The following ZFR2 variants were observed in gnomAD, a reference collection of about 807,000 sequenced individuals.
ZFR2 encodes the protein zinc finger RNA binding protein 2.
ZFR2 carries 104 observed loss-of-function variants against 105.7 expected under a neutral mutation model. The observed-to-expected ratio is 0.98, with a 90% CI of 0.84 to 1.16. The LOEUF (loss-of-function observed/expected upper bound fraction) is 1.16, where lower values mean the gene tolerates loss of function less well. ZFR2 is among the 50% of genes most tolerant of loss of function. The pLI is 0.00. For missense variants in ZFR2, 1,425 were observed against 1,355.5 expected (o/e 1.05, Z -0.80); for synonymous variants, 634 against 597.7 (o/e 1.06, Z -0.89).
At chr19:3,806,654 C>A (rs574883464) in intron 18 of ZFR2, among the ~76,000 whole-genome samples, 1 of 147,408 alleles carries the variant, frequency 6.8e-6, no homozygotes, top group East Asian at 1.9e-4. Context: ...TCCCAGGAGG[C>A]CCCCCCGCTC....
rs930078327 is a variant in ZFR2 at position 3,813,503 on chromosome 19, G to A, written c.2242+317C>T. Among the ~76,000 whole-genome samples the A allele has an allele frequency of 1.3e-5, 2 of 152,214 alleles. No individual in the cohort carries two copies. Among genetic ancestry groups the A allele is most frequent in the Admixed American group, 6.5e-5 (1 of 15,280 alleles). On this transcript the variant is annotated intron_variant, in intron 14 of 18. Transcript: ENST00000262961. This position sits in a 1 kb window ranked among gnomAD's most constrained non-coding sequence, Gnocchi z 4.4. The stretch of plus-strand genomic sequence containing the variant: ...CCTGTCCTTTGCCGCCAGGGCTGGT[G>A]TCACCAGGGCCTGAGAAGCAGGTGC...
rs1317897059 is a variant in ZFR2, at chr19:3,822,164, A to C, written c.1408T>G (p.Cys470Gly). The C allele has an allele frequency of 6.2e-7, 1 of 1,607,394 alleles. No homozygotes were observed. Among genetic ancestry groups the C allele is most frequent in the South Asian group, 1.1e-5 (1 of 89,608 alleles). The change falls in exon 9 of 19, where the codon TGC (cysteine) becomes GGC (glycine). Residue 470 changes from cysteine (C) to glycine (G), a missense_variant. By Grantham distance (159) the Cys-to-Gly change is radical (BLOSUM62 -3). Coordinates refer to ENST00000262961, the MANE Select transcript of ZFR2 (RefSeq NM_015174.2). ...SDEGRVLRFH[C>G]KLCECSFNDL... ...TTGAAACTGCACTCGCACAGCTTGCAGTGGAAGCGAAGCACTCGCCCTTCG... is the reference window on the plus strand; with the variant it reads ...TTGAAACTGCACTCGCACAGCTTGCCGTGGAAGCGAAGCACTCGCCCTTCG...
intron 1 of ZFR2, among the ~76,000 whole-genome samples, chr19:3,857,352 T>C (rs550514413): frequency 3.3e-5 from 5 of 152,002 alleles, no homozygotes; most frequent in South Asian, 2.1e-4. Flanking sequence ...AGGCTGTCAA[T>C]TTTCAAAGTC....
At chr19:3,852,613 G>C in intron 1 of ZFR2, 2 of 718,428 alleles carry the variant, frequency 2.8e-6, no homozygotes, top group Non-Finnish European at 5.2e-6. Context: ...TCCACTTCTG[G>C]ACTGGAAGAG....
rs1196545646 is a variant in ZFR2 at position 3,838,425 on chromosome 19, A to G, written c.54-3442T>C. Among the ~76,000 whole-genome samples, 2 of 152,210 alleles carry G rather than the reference A, an allele frequency of 1.3e-5. No homozygotes were observed. The highest frequency in any genetic ancestry group is 2.9e-5 in the Non-Finnish European group (2 of 68,036). On this transcript the variant is annotated intron_variant, in intron 1 of 18. Transcript: ENST00000262961. This position sits in a 1 kb window ranked among gnomAD's most constrained non-coding sequence, Gnocchi z 4.9. ...ACCGACCGATGAGCCAAAGAGAGGA[A>G]GGTGGAAGGTTCCATACGGGAGCTG...
chr19:3,811,297 G>A lies in ZFR2; in HGVS notation c.2312C>T (p.Ala771Val). Residue 771 changes from alanine (A) to valine (V), a missense_variant, in exon 15 of 19, where the codon GCC (alanine) becomes GTC (valine). Coordinates refer to ENST00000262961, the MANE Select transcript of ZFR2 (RefSeq NM_015174.2). ...CTGAAACCACCTGGCATGACGGAGGGCGGCCAGGGACTCGAGGCACTTCTT... is the reference window on the plus strand; with the variant it reads ...CTGAAACCACCTGGCATGACGGAGGACGGCCAGGGACTCGAGGCACTTCTT... ...SPKKCLESLA[A>V]LRHARWFQAR... 2 of 1,602,376 alleles carry A rather than the reference G, an allele frequency of 1.2e-6. No individual in the cohort carries two copies. The highest frequency in any genetic ancestry group is 1.1e-5 in the South Asian group (1 of 88,526).
intron 17 of ZFR2, among the ~76,000 whole-genome samples, chr19:3,807,629 A>C (rs1292007718): frequency 2.0e-5 from 3 of 150,326 alleles, no homozygotes; most frequent in Non-Finnish European, 3.0e-5. Context: ...GCGTATGTGC[A>C]TGTGTGCCTG....
intron 16 of ZFR2, 142 bp from the exon 17 acceptor site, chr19:3,809,125 A>G: frequency 1.7e-6 from 1 of 595,094 alleles, no homozygotes; most frequent in Non-Finnish European, 2.8e-6. Flanking sequence ...TCCGCCGAGG[A>G]GGGCTGCCCG....
chr19:3,860,847 G>A (rs796331684), intron 1 of ZFR2, among the ~76,000 whole-genome samples: 1 of 152,224 alleles, frequency 6.6e-6, no homozygotes, highest in African/African-American at 2.4e-5. Context: ...GAAACGGAAC[G>A]ACCTGCAGAG....
intron 11 of ZFR2, among the ~76,000 whole-genome samples, chr19:3,819,762 G>A (rs1019504235): frequency 1.3e-5 from 2 of 151,788 alleles, no homozygotes; most frequent in African/African-American, 2.4e-5. Flanking sequence ...TGAGGCATGA[G>A]AATCGCTTAA....
chr19:3,821,604 C>CT (rs56275505), intron 9 of ZFR2, 125 bp from the exon 10 acceptor site: 11,349 of 245,818 alleles, frequency 0.046, 726 homozygotes, highest in Admixed American at 0.089. Flanking sequence ...CTCCCAAAGC[C>CT]TTTTTTTTTT....
At chr19:3,815,063 G>A (rs1187480883) in intron 13 of ZFR2, among the ~76,000 whole-genome samples, 1 of 152,124 alleles carries the variant, frequency 6.6e-6, no homozygotes, top group Non-Finnish European at 1.5e-5. Context: ...AAGAAGGAAC[G>A]ACTCTGGGGA....
intron 1 of ZFR2, among the ~76,000 whole-genome samples, chr19:3,848,855 G>A (rs558399170): frequency 3.3e-5 from 5 of 151,942 alleles, no homozygotes; most frequent in African/African-American, 1.2e-4. Context: ...TTAGCCAGGT[G>A]TGGTGGCGGG....
rs1219376535 is a variant in ZFR2, at chr19:3,805,958, C to T, written c.2811G>A (p.Gly937=). ...GGGGGAGGTAGGCGGCTCACACGAG[C>T]CCCTCTCCGCCCCGCCGGCCCCGCT... is the stretch of plus-strand genomic sequence containing the variant. The part of the protein sequence containing the change: ...EKKRGRRGGE[G]LV The change falls in exon 19 of 19, where the codon GGG becomes GGA. Residue 937 remains glycine (G), a synonymous_variant. Transcript: ENST00000262961. The T allele has an allele frequency of 3.3e-6, 5 of 1,534,168 alleles. No individual in the cohort carries two copies. Among genetic ancestry groups the T allele is most frequent in the Non-Finnish European group, 3.5e-6 (4 of 1,143,370 alleles).
At position 3,831,700 on chromosome 19, in the gene ZFR2, G is replaced by A. The variant is rs1281227136; in HGVS notation, c.558C>T (p.Tyr186=). The change falls in exon 4 of 19, where the codon TAC becomes TAT. Residue 186 remains tyrosine (Y), a synonymous_variant. Transcript: ENST00000262961. Reference sequence around the variant, plus strand: ...AGGTGGGGTTGTAGGAGGGCGGGGGGTAGGAGGTCACGATGGAAGCTGACG... The same window carrying A: ...AGGTGGGGTTGTAGGAGGGCGGGGGATAGGAGGTCACGATGGAAGCTGACG... ...PESSASIVTS[Y]PPPSYNPTCT... 6 of 1,583,244 alleles carry A rather than the reference G, an allele frequency of 3.8e-6. No individual in the cohort carries two copies. Among genetic ancestry groups the A allele is most frequent in the South Asian group, 2.3e-5 (2 of 86,064 alleles).
At position 3,807,170 on chromosome 19, in the gene ZFR2, A is replaced by C. The variant is rs758850035; in HGVS notation, c.2643+2T>G. ...ACCCTTGCCGTGACTTGACCCTCCT[A>C]CCTGGGCGCTGGCGGTCACGTCTTC... On this transcript the variant is annotated splice_donor_variant, in intron 18 of 18. Coordinates refer to ENST00000262961, the MANE Select transcript of ZFR2 (RefSeq NM_015174.2). LOFTEE classifies it high-confidence loss of function. 1 of 1,551,692 alleles carries C rather than the reference A, an allele frequency of 6.4e-7. No homozygotes were observed. Among genetic ancestry groups the C allele is most frequent in the South Asian group, 1.2e-5 (1 of 84,100 alleles).
At chr19:3,863,665 G>T (rs960514047) in intron 1 of ZFR2, among the ~76,000 whole-genome samples, 5 of 152,138 alleles carry the variant, frequency 3.3e-5, no homozygotes, top group Admixed American at 3.3e-4. Flanking sequence ...GCAGGGCAGG[G>T]GCAGGTGACA....
intron 7 of ZFR2, 56 bp downstream of exon 7, chr19:3,825,174 T>A: frequency 7.1e-7 from 1 of 1,402,568 alleles, no homozygotes; most frequent in Non-Finnish European, 9.2e-7. Flanking sequence ...CACGAAACTT[T>A]CACTAGGCGG....
In ZFR2 at chr19:3,833,621, G is replaced by A. The variant is rs767905748; in HGVS notation, c.379+43C>T. 6.3e-6 allele frequency: 9 copies of A among 1,439,332 alleles called. No individual in the cohort carries two copies. The African/African-American group carries it at 1.1e-4, about 18-fold the overall frequency. 89.2% of individuals were successfully genotyped at this position (1,439,332 alleles called of 1,614,324 possible). A position where few individuals can be genotyped will look rare whatever the true frequency, so the allele number is the denominator to read the frequency against. On this transcript the variant is annotated intron_variant, in intron 3 of 18. Coordinates refer to ENST00000262961, the MANE Select transcript of ZFR2 (RefSeq NM_015174.2). ...TCCCAAGGTTTCCCTGTGCTGCGGG[G>A]AGCGTCTCCTCGTTCCCAGCCCCGA...
Sources: allele counts gnomAD v4.1 joint callset (sites outside exome capture counted in the v4.1 genomes callset), GRCh38; gene constraint gnomAD v4.1.1; non-coding constraint Gnocchi (gnomAD v3.1); transcripts MANE v1.5; gene names NCBI Gene and HGNC (gene_info 2026-07-23, HGNC 2026-07-21).